Variants in EVC2 observed in about 807,000 individuals in gnomAD.
EVC2 encodes EvC ciliary complex subunit 2.
In EVC2, 148 loss-of-function variants were observed where a neutral mutation model predicts 149.3. The observed-to-expected ratio is 0.99, with a 90% CI of 0.87 to 1.14. The LOEUF is 1.14. Among genes scored for constraint, EVC2 ranks in the 50% most tolerant of loss-of-function variants. The pLI, the probability that EVC2 is intolerant of heterozygous loss-of-function variation, is 0.00. For synonymous variants in EVC2, 776 were observed against 649.9 expected, an observed-to-expected ratio of 1.19 and a Z score of -2.95; for missense variants, 1,854 against 1,627.3, an observed-to-expected ratio of 1.14 and a Z score of -2.40.
chr4:5,586,304 G>A (rs1294118956), intron 16 of EVC2, among the ~76,000 whole-genome samples: 1 of 152,082 alleles, frequency 6.6e-6, no homozygotes, highest in Non-Finnish European at 1.5e-5. Flanking sequence ...TTTAGTGGCT[G>A]CTTTAGGGTT....
rs369951029 is a variant in EVC2 at position 5,670,754 on chromosome 4, TCAG to T, written c.871-5108_871-5106del. ...TTCACCATCACCATCAACGCCATCATCAGCAGCATCGCCATCAAATTCATTATC... is the reference window on the plus strand; with the variant it reads ...TTCACCATCACCATCAACGCCATCATCAGCATCGCCATCAAATTCATTATC... On this transcript the variant is annotated intron_variant, in intron 7 of 21. Coordinates refer to ENST00000344408, the MANE Select transcript of EVC2 (RefSeq NM_147127.5). The surrounding 1 kb of genome is among the most constrained non-coding windows in gnomAD (Gnocchi z 5.2). Among the ~76,000 whole-genome samples the T allele has an allele frequency of 0.015, 2,268 of 151,894 alleles. 57 individuals are homozygous for T. Among genetic ancestry groups the T allele is most frequent in the African/African-American group, 0.052 (2,138 of 41,376 alleles).
chr4:5,708,347 G>C lies in EVC2; in HGVS notation c.167C>G (p.Ser56Cys). 1.3e-6 allele frequency: 2 copies of C among 1,486,616 alleles called. No homozygotes were observed. The allele number at this position is 1,486,616 out of a possible 1,614,324, so 92.1% of individuals were successfully genotyped here. A position where few individuals can be genotyped will look rare whatever the true frequency, so the allele number is the denominator to read the frequency against. ...CGGAGGGATCCTCAGGCCGGGCCCA[G>C]ACCTAGGAGCCACCTGGGGATCCCG... The part of the protein sequence containing the change: ...PPRDPQVAPR[S>C]GPGLRIPPGR... The change falls in exon 1 of 22, where the codon TCT (serine) becomes TGT (cysteine). Residue 56 changes from serine to cysteine, a missense_variant. By Grantham distance (112) the Ser-to-Cys change is moderately radical. Transcript: ENST00000344408.
At chr4:5,577,546 C>T (rs1033073160) in intron 17 of EVC2, among the ~76,000 whole-genome samples, 2 of 152,094 alleles carry the variant, frequency 1.3e-5, no homozygotes, top group Non-Finnish European at 2.9e-5. Context: ...TAAATAGGTA[C>T]AAAATGGTCT....
intron 7 of EVC2, among the ~76,000 whole-genome samples, chr4:5,671,863 C>G (rs993513365): frequency 6.6e-6 from 1 of 152,188 alleles, no homozygotes; most frequent in African/African-American, 2.4e-5. Flanking sequence ...TGTGAAGAAA[C>G]CAAGGTTTGC....
chr4:5,704,946 G>A (rs535188249), intron 1 of EVC2, among the ~76,000 whole-genome samples: 128 of 152,210 alleles, frequency 8.4e-4, no homozygotes, highest in Non-Finnish European at 1.5e-3. Flanking sequence ...CTGACCTCAA[G>A]CGATCCTCCT....
At chr4:5,601,387 G>A (rs1410102612) in intron 16 of EVC2, among the ~76,000 whole-genome samples, 1 of 152,110 alleles carries the variant, frequency 6.6e-6, no homozygotes, top group Non-Finnish European at 1.5e-5. Flanking sequence ...GCATTGGGAT[G>A]GTGGAGGAAG....
At chr4:5,705,324 A>G (rs1347113163) in intron 1 of EVC2, among the ~76,000 whole-genome samples, 1 of 152,210 alleles carries the variant, frequency 6.6e-6, no homozygotes, top group Non-Finnish European at 1.5e-5. Flanking sequence ...GGGACATCAG[A>G]TAGGCTTGCT....
At position 5,696,292 on chromosome 4, in the gene EVC2, G is replaced by A. The variant is rs1297427667; in HGVS notation, c.283+1301C>T. Reference sequence around the variant, plus strand: ...GGCTCTCCTGGTCCTCAGCTTTAATGAAGACTCCAAAGTGATCCCTCCCTT... The same window carrying A: ...GGCTCTCCTGGTCCTCAGCTTTAATAAAGACTCCAAAGTGATCCCTCCCTT... On this transcript the variant is annotated intron_variant, in intron 2 of 21. Transcript: ENST00000344408. The surrounding 1 kb of genome is among the most constrained non-coding windows in gnomAD (Gnocchi z 4.1). Among the ~76,000 whole-genome samples the A allele has an allele frequency of 1.3e-5, 2 of 152,172 alleles. No individual in the cohort carries two copies. Among genetic ancestry groups the A allele is most frequent in the East Asian group, 3.8e-4 (2 of 5,196 alleles).
intron 1 of EVC2, among the ~76,000 whole-genome samples, chr4:5,699,274 G>A (rs1285103895): frequency 2.6e-5 from 4 of 152,200 alleles, no homozygotes; most frequent in Admixed American, 2.6e-4. Flanking sequence ...CCCCATTGAT[G>A]GAGCCAAACA....
At position 5,686,638 on chromosome 4, in the gene EVC2, C is replaced by A. The variant is rs1460763551; in HGVS notation, c.707-1159G>T. 2.6e-5 allele frequency among the ~76,000 whole-genome samples: 4 copies of A among 152,176 alleles called. No individual in the cohort carries two copies. The highest frequency in any genetic ancestry group is 9.7e-5 in the African/African-American group (4 of 41,446). On this transcript the variant is annotated intron_variant, in intron 5 of 21. Transcript: ENST00000344408. The surrounding 1 kb of genome is among the most constrained non-coding windows in gnomAD (Gnocchi z 5.4). Reference sequence around the variant, plus strand: ...CACCCCGCTGATGGACAGGGAGCCACCTGACCCTCTGGGTCCCATCATCTT... The same window carrying A: ...CACCCCGCTGATGGACAGGGAGCCAACTGACCCTCTGGGTCCCATCATCTT...
intron 16 of EVC2, among the ~76,000 whole-genome samples, chr4:5,607,951 G>A (rs149653589): frequency 1.2e-4 from 18 of 152,014 alleles, no homozygotes; most frequent in African/African-American, 3.6e-4. Context: ...GAGGAGACAG[G>A]GGAGGCAGTG....
At chr4:5,664,930 G>A (rs963013655) in intron 8 of EVC2, among the ~76,000 whole-genome samples, 1 of 151,722 alleles carries the variant, frequency 6.6e-6, no homozygotes, top group Admixed American at 6.6e-5. Context: ...TGGGTGACGG[G>A]CTGCGTGTGG....
At position 5,686,962 on chromosome 4, in the gene EVC2, TAAC is replaced by T. The variant is rs918057290; in HGVS notation, c.707-1486_707-1484del. ...AAGAATGGAGCAGTAAGAATAAAAA[TAAC>T]AACAACAGTGGCCGGGCATGGTGGC... On this transcript the variant is annotated intron_variant, in intron 5 of 21. Coordinates refer to ENST00000344408, the MANE Select transcript of EVC2 (RefSeq NM_147127.5). This position sits in a 1 kb window ranked among gnomAD's most constrained non-coding sequence, Gnocchi z 5.4. Among the ~76,000 whole-genome samples, 15 of 152,066 alleles carry T rather than the reference TAAC, an allele frequency of 9.9e-5. No individual in the cohort carries two copies. The East Asian group carries it at 1.6e-3, about 16-fold the overall frequency.
chr4:5,630,752 T>C (rs1296094418), intron 11 of EVC2, among the ~76,000 whole-genome samples: 1 of 152,124 alleles, frequency 6.6e-6, no homozygotes, highest in East Asian at 1.9e-4. Flanking sequence ...AAAGGTACCC[T>C]TGCTGCTTGA....
At position 5,622,026 on chromosome 4, in the gene EVC2, A is replaced by G. The variant is rs1304325955; in HGVS notation, c.2501+511T>C. Among the ~76,000 whole-genome samples the G allele has an allele frequency of 6.6e-6, 1 of 151,922 alleles. No individual in the cohort carries two copies. Among genetic ancestry groups the G allele is most frequent in the Non-Finnish European group, 1.5e-5 (1 of 67,990 alleles). On this transcript the variant is annotated intron_variant, in intron 14 of 21. Coordinates refer to ENST00000344408, the MANE Select transcript of EVC2 (RefSeq NM_147127.5). The surrounding 1 kb of genome is among the most constrained non-coding windows in gnomAD (Gnocchi z 5.8). ...GATGAAAGGGCCAGGTGAAAAGATG[A>G]TGCAGTGTGGTGGAAGAACTAACAC...
Position 5,640,644 on chromosome 4 carries a change from T to C in EVC2, c.1340A>G (p.Tyr447Cys), listed in dbSNP as rs1717259875. ...TGTCAATGCCACCATCTTCCGATCG[T>C]ACTCCTCTTGTATTTCATTTTCCAG... ...LLLENEIQEE[Y>C]DRKMVALTAE... The change falls in exon 10 of 22, where the codon TAC (tyrosine) becomes TGC (cysteine). Residue 447 changes from tyrosine (Y) to cysteine (C), a missense_variant. Transcript: ENST00000344408. The surrounding 1 kb of genome is among the most constrained non-coding windows in gnomAD (Gnocchi z 4.6). The C allele has an allele frequency of 3.1e-6, 5 of 1,614,146 alleles. No individual in the cohort carries two copies. Among genetic ancestry groups the C allele is most frequent in the East Asian group, 2.2e-5 (1 of 44,874 alleles).
intron 9 of EVC2, among the ~76,000 whole-genome samples, chr4:5,643,959 T>G (rs1717526856): frequency 6.6e-6 from 1 of 152,248 alleles, no homozygotes. Flanking sequence ...TTATTCAGAC[T>G]ACCTCAAGTG....
At chr4:5,707,351 G>C (rs1482815107) in intron 1 of EVC2, among the ~76,000 whole-genome samples, 1 of 152,138 alleles carries the variant, frequency 6.6e-6, no homozygotes, top group Non-Finnish European at 1.5e-5. Context: ...TCCTGGGGTA[G>C]AGAACACAGC....
downstream of EVC2, among the ~76,000 whole-genome samples, chr4:5,562,048 C>T (rs1248640516): frequency 4.6e-5 from 7 of 152,166 alleles, no homozygotes; most frequent in Non-Finnish European, 1.0e-4. This position sits in a 1 kb window ranked among gnomAD's most constrained non-coding sequence, Gnocchi z 4.3. Flanking sequence ...AGCATTTACA[C>T]AAGCTCTTGG....
Sources: gnomAD v4.1 joint callset for allele counts (sites outside exome capture counted in the v4.1 genomes callset) on GRCh38, gnomAD v4.1.1 for gene constraint, Gnocchi (gnomAD v3.1) non-coding constraint, MANE v1.5 for transcripts, NCBI Gene and HGNC (gene_info 2026-07-23, HGNC 2026-07-21) for gene names.